PIP5K1B: variants seen among roughly 807,000 people sequenced by gnomAD.
PIP5K1B encodes phosphatidylinositol-4-phosphate 5-kinase type 1 beta, also known as phosphatidylinositol 4-phosphate 5-kinase type-1 beta.
Under a neutral mutation model 67.0 loss-of-function variants are expected in PIP5K1B, and 42 were observed. That is an observed-to-expected ratio of 0.63 (90% CI 0.49 to 0.81). The LOEUF (loss-of-function observed/expected upper bound fraction) is 0.81. Ranked by LOEUF, PIP5K1B falls within the 30% of genes least tolerant of loss-of-function variation. The pLI, the probability that PIP5K1B is intolerant of heterozygous loss-of-function variation, is 0.00. For missense variants in PIP5K1B, 459 were observed against 646.3 expected, an observed-to-expected ratio of 0.71 and a Z score of 3.14; for synonymous variants, 214 against 231.4, an observed-to-expected ratio of 0.92 and a Z score of 0.68.
chr9:68,789,829 C>G (rs919963629), intron 2 of PIP5K1B, among the ~76,000 whole-genome samples: 1 of 152,182 alleles, frequency 6.6e-6, no homozygotes, highest in Non-Finnish European at 1.5e-5. Context: ...CCTCACTCCT[C>G]GGAGCACCTG....
chr9:68,810,127 C>T (rs1173190725), intron 2 of PIP5K1B, among the ~76,000 whole-genome samples: 2 of 152,180 alleles, frequency 1.3e-5, no homozygotes, highest in African/African-American at 2.4e-5. Flanking sequence ...TCGGGAAATG[C>T]GCTAGGAAAT....
intron 6 of PIP5K1B, among the ~76,000 whole-genome samples, chr9:68,880,468 T>A (rs2132335177): frequency 6.6e-6 from 1 of 151,920 alleles, no homozygotes; most frequent in African/African-American, 2.4e-5. Flanking sequence ...GGCAGGAGAA[T>A]CACTTGTACC....
At chr9:68,785,495 T>TA (rs1477848287) in intron 2 of PIP5K1B, among the ~76,000 whole-genome samples, 1 of 152,110 alleles carries the variant, frequency 6.6e-6, no homozygotes, top group African/African-American at 2.4e-5. Flanking sequence ...GCCATCCAAG[T>TA]AAAAAAATTT....
At chr9:68,949,022 A>T (rs899146318) in intron 14 of PIP5K1B, among the ~76,000 whole-genome samples, 11 of 152,138 alleles carry the variant, frequency 7.2e-5, no homozygotes, top group African/African-American at 2.7e-4. Context: ...TTTTAAATCG[A>T]TTTAGTTTAT....
intron 12 of PIP5K1B, among the ~76,000 whole-genome samples, chr9:68,931,066 T>G (rs1826970593): frequency 6.6e-6 from 1 of 152,072 alleles, no homozygotes. Flanking sequence ...GTCTTCAAGT[T>G]TCTTTTTTGA....
At chr9:68,933,559 A>G (rs60774937) in intron 12 of PIP5K1B, among the ~76,000 whole-genome samples, 3 of 152,168 alleles carry the variant, frequency 2.0e-5, no homozygotes, top group Non-Finnish European at 2.9e-5. Context: ...CAACTTAAGA[A>G]AAGAAAGACA....
intron 15 of PIP5K1B, among the ~76,000 whole-genome samples, chr9:68,996,750 A>G (rs1453066077): frequency 6.6e-6 from 1 of 152,202 alleles, no homozygotes; most frequent in Non-Finnish European, 1.5e-5. Flanking sequence ...TGAAAAGTGT[A>G]TTGGGAGAGA....
intron 5 of PIP5K1B, among the ~76,000 whole-genome samples, chr9:68,874,860 G>A (rs763899251): frequency 5.9e-5 from 9 of 152,084 alleles, no homozygotes; most frequent in African/African-American, 1.2e-4. Flanking sequence ...ATTTTTACTC[G>A]CTTGCAAAAG....
intron 7 of PIP5K1B, among the ~76,000 whole-genome samples, chr9:68,891,893 C>T (rs11144162): frequency 0.098 from 14,849 of 151,770 alleles, 854 homozygotes; most frequent in Non-Finnish European, 0.14. Context: ...ATAATGAACC[C>T]TATTAGAAAA....
At chr9:68,924,176 C>T (rs1240958701) in intron 12 of PIP5K1B, among the ~76,000 whole-genome samples, 1 of 148,400 alleles carries the variant, frequency 6.7e-6, no homozygotes, top group African/African-American at 2.5e-5. Flanking sequence ...CTGAGGCGGG[C>T]AGATCACTTG....
intron 15 of PIP5K1B, among the ~76,000 whole-genome samples, chr9:68,995,526 C>T (rs1400104757): frequency 1.3e-5 from 2 of 152,326 alleles, no homozygotes; most frequent in South Asian, 2.1e-4. Flanking sequence ...CAAATGGAGG[C>T]CGGGCACAGT....
intron 2 of PIP5K1B, among the ~76,000 whole-genome samples, chr9:68,749,946 CT>C (rs1336662240): frequency 6.6e-6 from 1 of 152,212 alleles, no homozygotes; most frequent in Non-Finnish European, 1.5e-5. Context: ...CACTAAGTAG[CT>C]GTGTGGCCAT....
At chr9:68,915,276 A>G (rs915335300) in intron 8 of PIP5K1B, among the ~76,000 whole-genome samples, 34 of 151,938 alleles carry the variant, frequency 2.2e-4, no homozygotes, top group African/African-American at 6.8e-4. Context: ...TGAGTAGGGA[A>G]GTTAGCATCT....
rs767932703 is a variant in PIP5K1B, at chr9:68,863,976, AT to A, written c.200+14del. On this transcript the variant is annotated intron_variant, in intron 5 of 15. Transcript: ENST00000265382. Reference sequence around the variant, plus strand: ...AGTGTGTTCCTACCCAGGTAAGAACATTTTTATTTGTGATGATTTCCATGCT... The same window carrying A: ...AGTGTGTTCCTACCCAGGTAAGAACATTTTATTTGTGATGATTTCCATGCT... 6.2e-7 allele frequency: 1 copy of A among 1,612,828 alleles called. No individual in the cohort carries two copies.
At chr9:68,961,216 C>CAA (rs544251006) in intron 14 of PIP5K1B, among the ~76,000 whole-genome samples, 5 of 56,290 alleles carry the variant, frequency 8.9e-5, no homozygotes, top group African/African-American at 7.5e-5. Context: ...GACTCCGTCT[C>CAA]AAAAAAAAAA....
chr9:68,732,954 TGAC>T (rs1277543966), intron 1 of PIP5K1B, among the ~76,000 whole-genome samples: 1 of 149,926 alleles, frequency 6.7e-6, no homozygotes, highest in East Asian at 1.9e-4. Flanking sequence ...ATGATGATGA[TGAC>T]GACGACGATG....
intron 15 of PIP5K1B, among the ~76,000 whole-genome samples, chr9:68,991,979 G>T (rs549459687): frequency 2.1e-3 from 294 of 140,038 alleles, no homozygotes; most frequent in Middle Eastern, 3.4e-3. Flanking sequence ...ATTTTTTTTG[G>T]GGGGGGGCAG....
chr9:68,969,151 G>A (rs755512927), intron 14 of PIP5K1B, among the ~76,000 whole-genome samples: 5 of 151,988 alleles, frequency 3.3e-5, no homozygotes, highest in South Asian at 2.1e-4. Context: ...GGCAGATCAC[G>A]AGGCCAGGAG....
chr9:68,744,916 C>T (rs986077501), intron 2 of PIP5K1B, among the ~76,000 whole-genome samples: 3 of 152,154 alleles, frequency 2.0e-5, no homozygotes, highest in African/African-American at 7.2e-5. Context: ...GGTTCTATTG[C>T]TGTCCAGGTG....
Sources: allele counts gnomAD v4.1 joint callset (sites outside exome capture counted in the v4.1 genomes callset), GRCh38; gene constraint gnomAD v4.1.1; transcripts MANE v1.5; gene names NCBI Gene and HGNC (gene_info 2026-07-23, HGNC 2026-07-21).